NAV1: variants seen among roughly 807,000 people sequenced by gnomAD.
NAV1 encodes the protein pore membrane and/or filament interacting like protein 3.
Under a neutral mutation model 175.2 loss-of-function variants are expected in NAV1, and 18 were observed. The observed-to-expected ratio is 0.10, with a 90% CI of 0.07 to 0.15. The LOEUF is 0.15. NAV1 is among the 10% of genes least tolerant of loss of function. The pLI is 1.00. For synonymous variants in NAV1, 897 were observed against 978.7 expected (o/e 0.92, Z 1.56); for missense variants, 1,731 against 2,436.6 (o/e 0.71, Z 6.10).
Position 201,743,921 on chromosome 1 carries a change from C to T in NAV1, c.1226+25166C>T, listed in dbSNP as rs138430954. Among the ~76,000 whole-genome samples, 1,405 of 152,104 alleles carry T rather than the reference C, an allele frequency of 9.2e-3. 23 individuals carry two copies. The highest frequency in any genetic ancestry group is 0.032 in the African/African-American group (1,326 of 41,512). On this transcript the variant is annotated intron_variant, in intron 3 of 29. Transcript: ENST00000367296. Reference sequence around the variant, plus strand: ...TTTTTGTTTTTTTGAGATGGAGTTTCGAGCCCAGGCTGGAGTGCAATGGCA... The same window carrying T: ...TTTTTGTTTTTTTGAGATGGAGTTTTGAGCCCAGGCTGGAGTGCAATGGCA...
chr1:201,595,682 T>A (rs16849095), intron 2 of NAV1, among the ~76,000 whole-genome samples: 16,534 of 152,194 alleles, frequency 0.11, 1,313 homozygotes, highest in African/African-American at 0.23. Context: ...TTCAGTTGGG[T>A]TTAGAAGCTG....
At chr1:201,809,668 T>C (rs1678567405) in intron 22 of NAV1, 131 bp downstream of exon 26, 2 of 860,586 alleles carry the variant, frequency 2.3e-6, no homozygotes, top group East Asian at 2.7e-5. Flanking sequence ...ACTGCAGCCT[T>C]GAACTCTTGG....
chr1:201,718,119 C>T lies in NAV1; in HGVS notation c.861-271C>T, dbSNP rs1181046483. Among the ~76,000 whole-genome samples, 4 of 152,196 alleles carry T rather than the reference C, an allele frequency of 2.6e-5. No homozygotes were observed. The highest frequency in any genetic ancestry group is 4.8e-5 in the African/African-American group (2 of 41,434). On this transcript the variant is annotated intron_variant, in intron 2 of 29. Coordinates refer to ENST00000367296, the Ensembl canonical transcript of NAV1. The surrounding 1 kb of genome is among the most constrained non-coding windows in gnomAD (Gnocchi z 4.8). ...ACCAATACCAAAAAAGAATTCAAAC[C>T]TAGGTCATATTACACAATCTAGGGT...
chr1:201,789,704 C>A (rs1676982908), intron 10 of NAV1, 36 bp from the exon 15 acceptor site: 1 of 1,608,048 alleles, frequency 6.2e-7, no homozygotes, highest in African/African-American at 1.3e-5. Flanking sequence ...TCCCTGGAAC[C>A]CACTGTTAAC....
chr1:201,789,841 C>G, intron 11 of NAV1, 49 bp downstream of exon 15: 1 of 1,557,156 alleles, frequency 6.4e-7, no homozygotes, highest in Non-Finnish European at 8.9e-7. Flanking sequence ...CCTCTACCAT[C>G]CCATGCTCCC....
chr1:201,718,344 G>A lies in NAV1; in HGVS notation c.861-46G>A, dbSNP rs371608636. ...GTGCATGTGAGGGGACAGGGCACAC[G>A]GCGGCTGTGCCAAGGACTAAGTAGT... On this transcript the variant is annotated intron_variant, in intron 2 of 29. Coordinates refer to ENST00000367296, the Ensembl canonical transcript of NAV1. The surrounding 1 kb of genome is among the most constrained non-coding windows in gnomAD (Gnocchi z 4.8). 1.0e-5 allele frequency: 15 copies of A among 1,485,138 alleles called. No homozygotes were observed. Among genetic ancestry groups the A allele is most frequent in the African/African-American group, 9.8e-5 (7 of 71,104 alleles). The allele number at this position is 1,485,138 out of a possible 1,614,324, so 92.0% of individuals were successfully genotyped here.
At chr1:201,612,867 CTA>C (rs1667895218) in intron 2 of NAV1, among the ~76,000 whole-genome samples, 1 of 151,766 alleles carries the variant, frequency 6.6e-6, no homozygotes, top group Admixed American at 6.6e-5. Flanking sequence ...GTGTGTGTCA[CTA>C]TGTGTGTATG....
In NAV1 at chr1:201,813,405, G is replaced by C; in HGVS notation, c.5340+147G>C. 2 of 599,070 alleles carry C rather than the reference G, an allele frequency of 3.3e-6. No individual in the cohort carries two copies. The highest frequency in any genetic ancestry group is 4.1e-5 in the South Asian group (2 of 48,356). 37.1% of individuals were successfully genotyped at this position (599,070 alleles called of 1,614,324 possible). On this transcript the variant is annotated intron_variant, in intron 28 of 29. Coordinates refer to ENST00000367296, the Ensembl canonical transcript of NAV1. The surrounding 1 kb of genome is among the most constrained non-coding windows in gnomAD (Gnocchi z 4.2). ...TGGAGCAAGGCACTGGGTAGACTAAGCTGCTTTCCTGCCTCCAGCTGCCAT... is the reference window on the plus strand; with the variant it reads ...TGGAGCAAGGCACTGGGTAGACTAACCTGCTTTCCTGCCTCCAGCTGCCAT...
intron 1 of NAV1, among the ~76,000 whole-genome samples, chr1:201,673,527 G>C (rs1033635451): frequency 3.9e-5 from 6 of 152,096 alleles, no homozygotes; most frequent in Non-Finnish European, 8.8e-5. Context: ...ATTACTATTG[G>C]CCACTCTCAG....
chr1:201,672,901 T>A (rs1187070248), intron 1 of NAV1, among the ~76,000 whole-genome samples: 1 of 152,172 alleles, frequency 6.6e-6, no homozygotes, highest in Non-Finnish European at 1.5e-5. Context: ...TGGACGCACA[T>A]AGACTGATGG....
chr1:201,648,599 C>T (rs562853340), exon 1 of NAV1: 4 of 1,276,492 alleles, frequency 3.1e-6, no homozygotes, highest in Non-Finnish European at 3.9e-6. Flanking sequence ...TCCTCCTGCG[C>T]TCCCGCCCCC....
At chr1:201,809,033 T>C (rs1419485859) in intron 20 of NAV1, 131 bp from the exon 25 acceptor site, 11 of 1,270,458 alleles carry the variant, frequency 8.7e-6, no homozygotes, top group Middle Eastern at 4.1e-4. Context: ...CAACCTTAAC[T>C]ACTTTTGAGT....
intron 1 of NAV1, among the ~76,000 whole-genome samples, chr1:201,700,570 C>T (rs578011802): frequency 1.6e-4 from 25 of 152,248 alleles, no homozygotes; most frequent in East Asian, 7.7e-4. Flanking sequence ...TTTGACCCAG[C>T]GATTCCATTA....
intron 1 of NAV1, among the ~76,000 whole-genome samples, chr1:201,687,578 T>A (rs191746545): frequency 1.7e-4 from 26 of 152,342 alleles, no homozygotes; most frequent in Non-Finnish European, 3.2e-4. Flanking sequence ...AGAATATACA[T>A]AATTATCTCT....
At chr1:201,611,791 G>A (rs545598797) in intron 2 of NAV1, among the ~76,000 whole-genome samples, 42 of 152,256 alleles carry the variant, frequency 2.8e-4, no homozygotes, top group Middle Eastern at 3.4e-3. Flanking sequence ...AGCGAGGATC[G>A]GAGGACACAG....
At chr1:201,783,302 G>A (rs991834358) in intron 6 of NAV1, 104 bp from the exon 11 acceptor site, 39 of 1,186,506 alleles carry the variant, frequency 3.3e-5, no homozygotes, top group Admixed American at 8.1e-5. Context: ...TCTGTGCTTA[G>A]CAAATAGGCA....
chr1:201,716,942 G>T (rs1215258587), intron 2 of NAV1, among the ~76,000 whole-genome samples: 4 of 152,102 alleles, frequency 2.6e-5, no homozygotes, highest in Non-Finnish European at 5.9e-5. Context: ...GCATGGACAC[G>T]GTCAGGAAGC....
chr1:201,594,647 G>A (rs1667302297), intron 2 of NAV1, among the ~76,000 whole-genome samples: 1 of 152,232 alleles, frequency 6.6e-6, no homozygotes, highest in Admixed American at 6.5e-5. Flanking sequence ...AGGCAGAATC[G>A]GAAATAGGTT....
chr1:201,739,426 G>C (rs1673259552), intron 3 of NAV1: 1 of 152,294 alleles, frequency 6.6e-6, no homozygotes, highest in East Asian at 1.9e-4. Flanking sequence ...ACTGACCCAT[G>C]CTCCGATTTT....
Sources: gnomAD v4.1 joint callset for allele counts (sites outside exome capture counted in the v4.1 genomes callset) on GRCh38, gnomAD v4.1.1 for gene constraint, Gnocchi (gnomAD v3.1) non-coding constraint, MANE v1.5 for transcripts, NCBI Gene and HGNC (gene_info 2026-07-23, HGNC 2026-07-21) for gene names.